CSGALNACT1: variants seen among roughly 807,000 people sequenced by gnomAD.
CSGALNACT1 encodes the protein beta4GalNAcT-1.
Under a neutral mutation model 51.0 loss-of-function variants are expected in CSGALNACT1, and 52 were observed. That is an observed-to-expected ratio of 1.02 (90% CI 0.82 to 1.29). CSGALNACT1 has a LOEUF of 1.29. Among genes scored for constraint, CSGALNACT1 ranks in the 50% most tolerant of loss-of-function variants. The pLI, the probability that CSGALNACT1 is intolerant of heterozygous loss-of-function variation, is 0.00. For missense variants in CSGALNACT1, 935 were observed against 679.2 expected (o/e 1.38, Z -4.19); for synonymous variants, 341 against 254.4 (o/e 1.34, Z -3.24).
At position 19,631,625 on chromosome 8, in the gene CSGALNACT1, T is replaced by C. The variant is rs17128745; in HGVS notation, c.-543-29760A>G. Reference sequence around the variant, plus strand: ...GATATTACTTACTACCCAAAATACTTTGCAATTGAAAAAGCCAAGTCAAAA... The same window carrying C: ...GATATTACTTACTACCCAAAATACTCTGCAATTGAAAAAGCCAAGTCAAAA... On this transcript the variant is annotated intron_variant, in intron 1 of 9. Transcript: ENST00000332246. Among the ~76,000 whole-genome samples, 681 of 152,298 alleles carry C rather than the reference T, an allele frequency of 4.5e-3. 6 individuals are homozygous for C. Among genetic ancestry groups the C allele is most frequent in the African/African-American group, 0.016 (662 of 41,546 alleles).
rs557535669 is a variant in CSGALNACT1, at chr8:19,483,828, G to C, written c.634+21373C>G. On this transcript the variant is annotated intron_variant, in intron 4 of 9. Transcript: ENST00000454498. Reference sequence around the variant, plus strand: ...ATTGACTAAATTAAGTGAATATGTAGCAACAGCCTTTCTTCCAATGTATTG... The same window carrying C: ...ATTGACTAAATTAAGTGAATATGTACCAACAGCCTTTCTTCCAATGTATTG... 2.6e-5 allele frequency among the ~76,000 whole-genome samples: 4 copies of C among 152,294 alleles called. No individual in the cohort carries two copies. In the East Asian group the frequency reaches 7.7e-4, roughly 29 times the overall value.
chr8:19,550,600 T>C (rs1278342967), intron 3 of CSGALNACT1, among the ~76,000 whole-genome samples: 2 of 152,204 alleles, frequency 1.3e-5, no homozygotes, highest in African/African-American at 4.8e-5. Context: ...TTCCTTCATC[T>C]TGGTGACGAT....
At chr8:19,413,815 G>A (rs2056359892) in intron 8 of CSGALNACT1, among the ~76,000 whole-genome samples, 1 of 152,162 alleles carries the variant, frequency 6.6e-6, no homozygotes, top group Non-Finnish European at 1.5e-5. Flanking sequence ...TAAGGAGGTG[G>A]CCTTGAGGAG....
chr8:19,551,512 C>A (rs373185112), intron 3 of CSGALNACT1, among the ~76,000 whole-genome samples: 1 of 152,178 alleles, frequency 6.6e-6, no homozygotes, highest in Non-Finnish European at 1.5e-5. Context: ...GTCTCCCTGT[C>A]GGTTCACTGG....
chr8:19,666,995 GAAA>G (rs1564385638), intron 1 of CSGALNACT1, among the ~76,000 whole-genome samples: 1,619 of 26,296 alleles, frequency 0.062, 50 homozygotes, highest in Middle Eastern at 0.083. Flanking sequence ...AAGAAAGAAA[GAAA>G]GAAAGAAAGA....
intron 4 of CSGALNACT1, among the ~76,000 whole-genome samples, chr8:19,473,351 T>C (rs2068651934): frequency 6.6e-6 from 1 of 152,176 alleles, no homozygotes; most frequent in African/African-American, 2.4e-5. Context: ...ACCATGACCT[T>C]TCATCTCCCC....
intron 1 of CSGALNACT1, among the ~76,000 whole-genome samples, chr8:19,717,591 C>G (rs938546293): frequency 1.3e-5 from 2 of 152,186 alleles, no homozygotes; most frequent in Non-Finnish European, 2.9e-5. Context: ...CATGCTGCCC[C>G]TTTATGTGGT....
exon 10 of CSGALNACT1, chr8:19,406,020 A>G: frequency 6.2e-7 from 1 of 1,614,132 alleles, no homozygotes. Context: ...ACTTGCGATA[A>G]AGGTGCACAT....
chr8:19,470,999 G>A (rs545843492), intron 4 of CSGALNACT1, among the ~76,000 whole-genome samples: 1 of 152,212 alleles, frequency 6.6e-6, no homozygotes, highest in Non-Finnish European at 1.5e-5. Context: ...GGGAGGCTGA[G>A]GCACGAGAGT....
rs148012235 is a variant in CSGALNACT1, at chr8:19,466,462, C to T, written c.635-7820G>A. On this transcript the variant is annotated intron_variant, in intron 4 of 9. Coordinates refer to ENST00000454498, the Ensembl canonical transcript of CSGALNACT1. ...AAACACACATTCTGCTTACTCTGTT[C>T]AAAAAAGGAACCGGTAAATGCTTAG... Among the ~76,000 whole-genome samples the T allele has an allele frequency of 1.2e-3, 185 of 152,176 alleles. 1 individual carries two copies. The highest frequency in any genetic ancestry group is 4.4e-3 in the African/African-American group (181 of 41,540).
intron 3 of CSGALNACT1, among the ~76,000 whole-genome samples, chr8:19,534,990 A>C (rs2083464120): frequency 6.6e-6 from 1 of 152,226 alleles, no homozygotes; most frequent in African/African-American, 2.4e-5. Flanking sequence ...TGACACCACC[A>C]AAAGATGTTG....
At chr8:19,634,884 A>G (rs753181890) in intron 1 of CSGALNACT1, among the ~76,000 whole-genome samples, 9 of 152,322 alleles carry the variant, frequency 5.9e-5, no homozygotes, top group Non-Finnish European at 1.2e-4. Flanking sequence ...CCAAGCTAAG[A>G]CAGCTGTCAT....
At chr8:19,603,117 T>TAA (rs35440306), upstream of CSGALNACT1, among the ~76,000 whole-genome samples, 700 of 102,074 alleles carry the variant, frequency 6.9e-3, 10 homozygotes, top group African/African-American at 0.022. Flanking sequence ...ATGCAGGAAT[T>TAA]AAAAAAAAAA....
At chr8:19,516,253 A>G (rs1324625392) in intron 3 of CSGALNACT1, among the ~76,000 whole-genome samples, 2 of 152,210 alleles carry the variant, frequency 1.3e-5, no homozygotes, top group Non-Finnish European at 2.9e-5. Context: ...TTAAAGAAAC[A>G]GAAACTGAAG....
chr8:19,533,228 C>T (rs1187992671), intron 3 of CSGALNACT1, among the ~76,000 whole-genome samples: 1 of 152,074 alleles, frequency 6.6e-6, no homozygotes, highest in Non-Finnish European at 1.5e-5. Context: ...GCGATCCTCT[C>T]ACTTCAGCCT....
At chr8:19,617,357 T>G (rs2053175546) in intron 1 of CSGALNACT1, among the ~76,000 whole-genome samples, 1 of 152,162 alleles carries the variant, frequency 6.6e-6, no homozygotes, top group South Asian at 2.1e-4. Context: ...GGCCCAGTGG[T>G]TGAGGACTCC....
chr8:19,430,219 C>G (rs1270169122), intron 6 of CSGALNACT1, among the ~76,000 whole-genome samples: 1 of 152,168 alleles, frequency 6.6e-6, no homozygotes, highest in Non-Finnish European at 1.5e-5. Flanking sequence ...AACTTATCTG[C>G]TTATTCTCTA....
intron 1 of CSGALNACT1, among the ~76,000 whole-genome samples, chr8:19,611,845 C>T (rs2052313927): frequency 6.6e-6 from 1 of 151,950 alleles, no homozygotes. Flanking sequence ...AAAATATGAC[C>T]GGAAATCAGC....
chr8:19,662,173 C>G (rs991630492), intron 1 of CSGALNACT1, among the ~76,000 whole-genome samples: 1 of 149,720 alleles, frequency 6.7e-6, no homozygotes, highest in African/African-American at 2.5e-5. Flanking sequence ...ATCCCAGCAC[C>G]TTGGGAGGCC....
Sources: gnomAD v4.1 joint callset for allele counts (sites outside exome capture counted in the v4.1 genomes callset) on GRCh38, gnomAD v4.1.1 for gene constraint, MANE v1.5 for transcripts, NCBI Gene and HGNC (gene_info 2026-07-23, HGNC 2026-07-21) for gene names.